SLC4A10: variants seen among roughly 807,000 people sequenced by gnomAD.
The protein encoded by SLC4A10 is sodium-driven chloride bicarbonate exchanger.
SLC4A10 carries 42 observed loss-of-function variants against 137.7 expected under a neutral mutation model. The observed-to-expected ratio is 0.30, with a 90% CI of 0.24 to 0.39. SLC4A10 has a LOEUF of 0.39. SLC4A10 is among the 10% of genes least tolerant of loss of function. The pLI is 1.00. For synonymous variants in SLC4A10, 474 were observed against 464.1 expected (o/e 1.02, Z -0.27); for missense variants, 925 against 1,355.0 (o/e 0.68, Z 4.98).
rs1699446557 is a variant in SLC4A10, at chr2:161,976,782, A to T, written c.3250A>T (p.Ile1084Leu). 6.3e-7 allele frequency: 1 copy of T among 1,594,762 alleles called. No homozygotes were observed. Among genetic ancestry groups the T allele is most frequent in the Non-Finnish European group, 8.6e-7 (1 of 1,169,586 alleles). The change falls in exon 25 of 27, where the codon ATA becomes TTA. Residue 1084 changes from isoleucine to leucine, a missense_variant. By Grantham distance (5) the Ile-to-Leu change is conservative (BLOSUM62 2). Transcript: ENST00000446997. ...HYRDDPSVIN[I>L]SDEMSKTALW... ...TAGAGATGATCCATCTGTGATCAAT[A>T]TATCTGATGAAATGTCAAAGACTGC...
At position 161,643,270 on chromosome 2, in the gene SLC4A10, G is replaced by A. The variant is rs112391499; in HGVS notation, c.48+18704G>A. Among the ~76,000 whole-genome samples, 55 of 152,162 alleles carry A rather than the reference G, an allele frequency of 3.6e-4. 1 individual carries two copies. The highest frequency in any genetic ancestry group is 1.3e-3 in the African/African-American group (54 of 41,564). ...TGAATAGAAATCAGACTTGAGGAAG[G>A]CAAAGGCCAAAAGGGTTTTACTTTT... On this transcript the variant is annotated intron_variant, in intron 1 of 26. Transcript: ENST00000446997.
At chr2:161,821,637 T>C (rs2057630924) in intron 3 of SLC4A10, among the ~76,000 whole-genome samples, 1 of 152,170 alleles carries the variant, frequency 6.6e-6, no homozygotes, top group African/African-American at 2.4e-5. Flanking sequence ...AAAATAACAA[T>C]TTTTAACAGG....
At chr2:161,853,490 C>A (rs2059936444) in intron 4 of SLC4A10, among the ~76,000 whole-genome samples, 1 of 152,168 alleles carries the variant, frequency 6.6e-6, no homozygotes, top group African/African-American at 2.4e-5. Flanking sequence ...GACACATGGA[C>A]TCACCCAATT....
intron 1 of SLC4A10, among the ~76,000 whole-genome samples, chr2:161,678,122 C>T (rs1204722565): frequency 6.6e-6 from 1 of 152,114 alleles, no homozygotes; most frequent in Non-Finnish European, 1.5e-5. Context: ...TTCCTCATAA[C>T]CTGACTTCCT....
chr2:161,660,556 A>ATTTCTTTCTTTCTTTCTTTC (rs574482342), intron 1 of SLC4A10, among the ~76,000 whole-genome samples: 11 of 110,434 alleles, frequency 1.0e-4, no homozygotes, highest in South Asian at 3.4e-4. Flanking sequence ...ACTCATCTAT[A>ATTTCTTTCTTTCTTTCTTTC]TTTCTTTCTT....
chr2:161,744,341 G>C (rs964707970), intron 1 of SLC4A10, among the ~76,000 whole-genome samples: 2 of 151,948 alleles, frequency 1.3e-5, no homozygotes, highest in African/African-American at 2.4e-5. Context: ...TAACATGAAG[G>C]GATGCTGAAT....
Position 161,770,976 on chromosome 2 carries a change from A to C in SLC4A10, c.52A>C (p.Asn18His), listed in dbSNP as rs749652105. 25 of 1,602,314 alleles carry C rather than the reference A, an allele frequency of 1.6e-5. No individual in the cohort carries two copies. Among genetic ancestry groups the C allele is most frequent in the Non-Finnish European group, 2.1e-5 (25 of 1,172,988 alleles). ...AQMEPLLPTRNDEEAVVDRGG... is the reference protein window; with the variant it reads ...AQMEPLLPTRHDEEAVVDRGG... ...CTTCCTTATCCTCATTTAACAGAGA[A>C]ATGATGAAGAAGCAGTTGTGGATAG... The change falls in exon 2 of 27, where the codon AAT becomes CAT. Residue 18 changes from asparagine (N) to histidine (H), a missense_variant. By Grantham distance (68) the Asn-to-His change is moderately conservative (BLOSUM62 1). Around this residue, in one of 11 missense-constraint regions of SLC4A10, gnomAD observed 138 missense variants for 171.3 expected, o/e 0.81. Coordinates refer to ENST00000446997, the MANE Select transcript of SLC4A10 (RefSeq NM_001178015.2).
intron 15 of SLC4A10, among the ~76,000 whole-genome samples, chr2:161,925,598 C>T (rs562260520): frequency 2.0e-5 from 3 of 152,106 alleles, no homozygotes; most frequent in South Asian, 2.1e-4. Context: ...TGCTAGTTTT[C>T]GAAGGTGTTT....
intron 15 of SLC4A10, among the ~76,000 whole-genome samples, chr2:161,940,366 TC>T (rs201180659): frequency 0.017 from 2,572 of 152,216 alleles, 30 homozygotes; most frequent in Non-Finnish European, 0.027. Context: ...ATATTGGGGC[TC>T]CCTTCTCTCA....
chr2:161,941,187 T>G (rs1269472574), intron 15 of SLC4A10, among the ~76,000 whole-genome samples: 1 of 152,186 alleles, frequency 6.6e-6, no homozygotes, highest in African/African-American at 2.4e-5. Flanking sequence ...TTTTCAACAT[T>G]TCACCAGAGG....
At chr2:161,911,079 T>G (rs1485211844) in intron 15 of SLC4A10, among the ~76,000 whole-genome samples, 3 of 151,878 alleles carry the variant, frequency 2.0e-5, no homozygotes, top group Non-Finnish European at 4.4e-5. Flanking sequence ...AAGTATCACT[T>G]AATGATAATG....
intron 11 of SLC4A10, among the ~76,000 whole-genome samples, chr2:161,897,396 G>A (rs2063612534): frequency 6.6e-6 from 1 of 152,014 alleles, no homozygotes; most frequent in Admixed American, 6.6e-5. Context: ...AGCCTTGCCT[G>A]ACTCTGCTAC....
At chr2:161,906,268 A>G (rs775055784) in intron 15 of SLC4A10, among the ~76,000 whole-genome samples, 1 of 152,258 alleles carries the variant, frequency 6.6e-6, no homozygotes, top group Non-Finnish European at 1.5e-5. Flanking sequence ...TAATGAAAAT[A>G]TAAGATTTCA....
chr2:161,974,013 T>A (rs1014426945), intron 23 of SLC4A10, among the ~76,000 whole-genome samples: 1 of 152,218 alleles, frequency 6.6e-6, no homozygotes, highest in Non-Finnish European at 1.5e-5. Context: ...TTGAGTGACA[T>A]GAAGGAGATT....
rs182073461 is a variant in SLC4A10 at position 161,677,179 on chromosome 2, C to T, written c.48+52613C>T. Among the ~76,000 whole-genome samples, 219 of 152,116 alleles carry T rather than the reference C, an allele frequency of 1.4e-3. 1 individual carries two copies. Among genetic ancestry groups the T allele is most frequent in the African/African-American group, 5.0e-3 (207 of 41,504 alleles). ...CTTGAGAGCTCTTTGCTGAAAAGAG[C>T]CTGGCACCTCTTCCCCTCTCTCTCA... is the stretch of plus-strand genomic sequence containing the variant. On this transcript the variant is annotated intron_variant, in intron 1 of 26. Coordinates refer to ENST00000446997, the MANE Select transcript of SLC4A10 (RefSeq NM_001178015.2).
intron 10 of SLC4A10, among the ~76,000 whole-genome samples, chr2:161,893,190 C>T (rs988725566): frequency 1.3e-5 from 2 of 152,168 alleles, no homozygotes; most frequent in African/African-American, 4.8e-5. Flanking sequence ...ACAATCTTAC[C>T]ATGTGGTCTA....
chr2:161,638,886 C>A (rs2034862257), intron 1 of SLC4A10, among the ~76,000 whole-genome samples: 1 of 145,784 alleles, frequency 6.9e-6, no homozygotes. Flanking sequence ...TAAAAAAAGA[C>A]AAATTTTGAG....
intron 3 of SLC4A10, among the ~76,000 whole-genome samples, chr2:161,821,889 GA>G (rs1334666440): frequency 6.6e-6 from 1 of 152,144 alleles, no homozygotes; most frequent in East Asian, 1.9e-4. Context: ...TTTAAAGAAT[GA>G]AGGCCTGATA....
chr2:161,966,664 A>G (rs1049426290), intron 23 of SLC4A10, among the ~76,000 whole-genome samples: 2 of 151,628 alleles, frequency 1.3e-5, no homozygotes, highest in Non-Finnish European at 2.9e-5. Flanking sequence ...CAGGAGGATC[A>G]CTTGAACCGG....
Sources: allele counts gnomAD v4.1 joint callset (sites outside exome capture counted in the v4.1 genomes callset), GRCh38; gene constraint gnomAD v4.1.1; regional missense constraint gnomAD v4.1.1; transcripts MANE v1.5; gene names NCBI Gene and HGNC (gene_info 2026-07-23, HGNC 2026-07-21).